The following ITGA4 variants were observed in gnomAD, a reference collection of about 807,000 sequenced individuals.
ITGA4 encodes integrin alpha-4.
A neutral mutation model predicts 133.6 loss-of-function variants in ITGA4; 63 were observed. That is an observed-to-expected ratio of 0.47 (90% CI 0.38 to 0.58). The LOEUF (loss-of-function observed/expected upper bound fraction) is 0.58. Ranked by LOEUF, ITGA4 falls within the 20% of genes least tolerant of loss-of-function variation. ITGA4 has a pLI of 0.00. For missense variants in ITGA4, 1,076 were observed against 1,252.7 expected (o/e 0.86, Z 2.13); for synonymous variants, 483 against 438.0 (o/e 1.10, Z -1.28).
intron 2 of ITGA4, among the ~76,000 whole-genome samples, chr2:181,469,425 G>A (rs1250794308): frequency 6.6e-6 from 1 of 152,192 alleles, no homozygotes; most frequent in African/African-American, 2.4e-5. Flanking sequence ...ACAGGTGCTG[G>A]AGAGATTGTG....
intron 15 of ITGA4, 55 bp from the exon 16 acceptor site, chr2:181,509,603 T>G (rs1290404075): frequency 7.0e-7 from 1 of 1,434,534 alleles, no homozygotes; most frequent in Non-Finnish European, 9.3e-7. Context: ...AGTTTTATTT[T>G]TTTTTAATCT....
intron 2 of ITGA4, among the ~76,000 whole-genome samples, chr2:181,470,670 CATG>C (rs1009231222): frequency 3.9e-5 from 6 of 151,946 alleles, no homozygotes; most frequent in African/African-American, 1.5e-4. Context: ...ACAAGCTGAT[CATG>C]TAGCAGTCTT....
intron 6 of ITGA4, 58 bp from the exon 7 acceptor site, chr2:181,481,540 A>G: frequency 2.5e-6 from 2 of 789,754 alleles, no homozygotes; most frequent in South Asian, 1.7e-5. Context: ...TATTTTACCC[A>G]TATTACCATA....
At chr2:181,472,685 T>G (rs547806477) in intron 2 of ITGA4, among the ~76,000 whole-genome samples, 2 of 152,340 alleles carry the variant, frequency 1.3e-5, no homozygotes, top group South Asian at 4.1e-4. Context: ...ATGCCTTGTT[T>G]GTCATTCTCT....
Position 181,458,407 on chromosome 2 carries a change from C to T in ITGA4, c.319+90C>T, listed in dbSNP as rs115064300. On this transcript the variant is annotated intron_variant, in intron 2 of 27. Transcript: ENST00000397033. Reference sequence around the variant, plus strand: ...GCAAGTCCTGGAAAGATTCACGTTGCCTGTTACTTCTGGTTTAAAGAGCAT... The same window carrying T: ...GCAAGTCCTGGAAAGATTCACGTTGTCTGTTACTTCTGGTTTAAAGAGCAT... The T allele has an allele frequency of 3.0e-3, 4,498 of 1,476,730 alleles. 128 individuals carry two copies. The African/African-American group carries it at 0.053, about 17-fold the overall frequency. 91.5% of individuals were successfully genotyped at this position (1,476,730 alleles called of 1,614,324 possible).
Position 181,482,368 on chromosome 2 carries a change from A to G in ITGA4, c.849A>G (p.Ile283Met). ...PQHEQIGKAY[I>M]FSIDEKELNI... ...TCTTTCCCTAATTACAGGCATATAT[A>G]TTCAGCATTGATGAAAAAGAACTAA... The change falls in exon 8 of 28, where the codon ATA (isoleucine) becomes ATG (methionine). Residue 283 changes from isoleucine to methionine, a missense_variant. Ile to Met is a conservative substitution (Grantham distance 10). Around this residue, in one of 4 missense-constraint regions of ITGA4, gnomAD observed 436 missense variants for 590.7 expected, o/e 0.74. Coordinates refer to ENST00000397033, the MANE Select transcript of ITGA4 (RefSeq NM_000885.6). 1.9e-6 allele frequency: 3 copies of G among 1,611,776 alleles called. No homozygotes were observed. The highest frequency in any genetic ancestry group is 8.5e-7 in the Non-Finnish European group (1 of 1,178,698).
chr2:181,531,631 T>G (rs775833451), intron 24 of ITGA4, 26 bp from the exon 25 acceptor site: 1 of 1,413,330 alleles, frequency 7.1e-7, no homozygotes, highest in Non-Finnish European at 9.6e-7. Context: ...AAAATTTTAA[T>G]GTAGCACTTT....
At chr2:181,463,102 C>G (rs575371849) in intron 2 of ITGA4, among the ~76,000 whole-genome samples, 1 of 152,150 alleles carries the variant, frequency 6.6e-6, no homozygotes, top group Admixed American at 6.5e-5. Flanking sequence ...CAGAAGTTAG[C>G]CAGAGGAAGA....
Position 181,495,554 on chromosome 2 carries a change from G to T in ITGA4, c.1385+138G>T. 4 of 745,878 alleles carry T rather than the reference G, an allele frequency of 5.4e-6. No homozygotes were observed. The highest frequency in any genetic ancestry group is 6.8e-6 in the Non-Finnish European group (3 of 441,132). 46.2% of individuals were successfully genotyped at this position (745,878 alleles called of 1,614,324 possible). On this transcript the variant is annotated intron_variant, in intron 13 of 27. Transcript: ENST00000397033. The surrounding 1 kb of genome is among the most constrained non-coding windows in gnomAD (Gnocchi z 4.3). ...CTGAAGCTTAATTATTGATTTTTAG[G>T]GTATTTTTTTCACCTTACAGAGATA... is the stretch of plus-strand genomic sequence containing the variant.
chr2:181,530,758 C>A, intron 24 of ITGA4, 109 bp downstream of exon 24: 2 of 989,982 alleles, frequency 2.0e-6, no homozygotes, highest in Non-Finnish European at 3.1e-6. Context: ...AGAGAGAAGA[C>A]AAGTTTAGGT....
rs114729907 is a variant in ITGA4 at position 181,501,282 on chromosome 2, G to A, written c.1695+2505G>A. On this transcript the variant is annotated intron_variant, in intron 15 of 27. Coordinates refer to ENST00000397033, the MANE Select transcript of ITGA4 (RefSeq NM_000885.6). Reference sequence around the variant, plus strand: ...GGAGAAGAGTATTCCAGCGAGAAAAGCTGAGTCAAAAGGCCTCAAGAATGT... The same window carrying A: ...GGAGAAGAGTATTCCAGCGAGAAAAACTGAGTCAAAAGGCCTCAAGAATGT... 6.7e-3 allele frequency among the ~76,000 whole-genome samples: 1,021 copies of A among 152,258 alleles called. 4 individuals carry two copies. The highest frequency in any genetic ancestry group is 0.011 in the Non-Finnish European group (734 of 68,000).
chr2:181,472,200 C>T (rs1355779576), intron 2 of ITGA4, among the ~76,000 whole-genome samples: 2 of 152,166 alleles, frequency 1.3e-5, no homozygotes, highest in Admixed American at 6.5e-5. Flanking sequence ...GTTCATAATG[C>T]AAGAGTTTGT....
rs1019488395 is a variant in ITGA4, at chr2:181,495,070, G to T, written c.1339+258G>T. On this transcript the variant is annotated intron_variant, in intron 12 of 27. Coordinates refer to ENST00000397033, the MANE Select transcript of ITGA4 (RefSeq NM_000885.6). This position sits in a 1 kb window ranked among gnomAD's most constrained non-coding sequence, Gnocchi z 4.3. ...ATGAAAATCAAATATATGAGGAAAA[G>T]AAAGAAAATTTTTATTTAGAAAAAT... Among the ~76,000 whole-genome samples the T allele has an allele frequency of 6.6e-6, 1 of 152,072 alleles. No homozygotes were observed. The highest frequency in any genetic ancestry group is 2.4e-5 in the African/African-American group (1 of 41,420).
At chr2:181,473,608 C>T (rs551120460) in intron 2 of ITGA4, among the ~76,000 whole-genome samples, 2 of 152,314 alleles carry the variant, frequency 1.3e-5, no homozygotes, top group South Asian at 4.1e-4. Context: ...AAACAAACAT[C>T]TTCCCACACT....
At chr2:181,528,933 C>T (rs1021274331) in intron 22 of ITGA4, among the ~76,000 whole-genome samples, 1 of 152,172 alleles carries the variant, frequency 6.6e-6, no homozygotes, top group African/African-American at 2.4e-5. Context: ...ACCTTTTGTG[C>T]TTTCTCAAAA....
intron 20 of ITGA4, 48 bp from the exon 21 acceptor site, chr2:181,525,152 AAG>A: frequency 9.5e-7 from 1 of 1,051,672 alleles, no homozygotes; most frequent in Non-Finnish European, 1.5e-6. Flanking sequence ...GTTCTCTCTG[AAG>A]ATTTTTCTGC....
chr2:181,507,552 A>G (rs921719864), intron 15 of ITGA4, among the ~76,000 whole-genome samples: 2 of 152,074 alleles, frequency 1.3e-5, no homozygotes, highest in Admixed American at 6.6e-5. Context: ...GCCCTGCAGT[A>G]ACCCTGGGGG....
chr2:181,461,072 T>C (rs900252742), intron 2 of ITGA4, among the ~76,000 whole-genome samples: 2 of 151,536 alleles, frequency 1.3e-5, no homozygotes, highest in Non-Finnish European at 1.5e-5. Context: ...GAATTTCAGA[T>C]CAGTGGTTGA....
intron 15 of ITGA4, among the ~76,000 whole-genome samples, chr2:181,501,387 T>C (rs1451362000): frequency 2.0e-5 from 3 of 152,126 alleles, no homozygotes; most frequent in African/African-American, 7.2e-5. Context: ...GAAGAAGAGA[T>C]TATATAGAAC....
Sources: allele counts gnomAD v4.1 joint callset (sites outside exome capture counted in the v4.1 genomes callset), GRCh38; gene constraint gnomAD v4.1.1; regional missense constraint gnomAD v4.1.1; non-coding constraint Gnocchi (gnomAD v3.1); transcripts MANE v1.5; gene names NCBI Gene and HGNC (gene_info 2026-07-23, HGNC 2026-07-21).